Variants in CADM2 observed in about 807,000 individuals in gnomAD.
The protein encoded by CADM2 is immunoglobulin superfamily member 4D.
A neutral mutation model predicts 49.8 loss-of-function variants in CADM2; 12 were observed. The ratio of observed to expected loss-of-function variants is 0.24; its 90% CI spans 0.15 to 0.39. CADM2 has a LOEUF of 0.39. Ranked by LOEUF, CADM2 falls within the 10% of genes least tolerant of loss-of-function variation. The pLI is 1.00. For missense variants in CADM2, 378 were observed against 492.3 expected, an observed-to-expected ratio of 0.77 and a Z score of 2.20; for synonymous variants, 214 against 175.4, an observed-to-expected ratio of 1.22 and a Z score of -1.74.
chr3:86,058,569 A>T (rs1738261032), intron 8 of CADM2, among the ~76,000 whole-genome samples: 1 of 152,132 alleles, frequency 6.6e-6, no homozygotes, highest in Non-Finnish European at 1.5e-5. Flanking sequence ...AGTGTCTTCC[A>T]CTTGAAAAAT....
intron 1 of CADM2, among the ~76,000 whole-genome samples, chr3:85,022,291 A>T (rs1406312922): frequency 6.6e-6 from 1 of 152,146 alleles, no homozygotes; most frequent in African/African-American, 2.4e-5. Context: ...AGATTGTTTG[A>T]GTTTATGCTT....
At chr3:85,258,061 A>G (rs1036552629) in intron 1 of CADM2, among the ~76,000 whole-genome samples, 2 of 152,124 alleles carry the variant, frequency 1.3e-5, no homozygotes, top group Non-Finnish European at 2.9e-5. Context: ...AAAGGTAGAG[A>G]AGGGAAGATT....
At chr3:85,335,067 T>G (rs2107168078) in intron 1 of CADM2, among the ~76,000 whole-genome samples, 1 of 151,524 alleles carries the variant, frequency 6.6e-6, no homozygotes, top group South Asian at 2.1e-4. Context: ...AAAAAGATAC[T>G]AAGTAAATAA....
chr3:85,032,656 T>G (rs764381234), intron 1 of CADM2, among the ~76,000 whole-genome samples: 1 of 152,188 alleles, frequency 6.6e-6, no homozygotes, highest in Admixed American at 6.5e-5. Context: ...GTCTGCATTC[T>G]TATATTAAGA....
chr3:85,335,371 A>G (rs1470279883), intron 1 of CADM2, among the ~76,000 whole-genome samples: 1 of 151,534 alleles, frequency 6.6e-6, no homozygotes, highest in Non-Finnish European at 1.5e-5. Flanking sequence ...CTTCCTTGAT[A>G]CTAACCAGAC....
chr3:86,036,692 C>A (rs947663070), intron 8 of CADM2, among the ~76,000 whole-genome samples: 2 of 152,102 alleles, frequency 1.3e-5, no homozygotes, highest in African/African-American at 4.8e-5. Flanking sequence ...CTCAGCCTCC[C>A]AGTGCCTCTG....
intron 1 of CADM2, among the ~76,000 whole-genome samples, chr3:85,325,401 A>G (rs1332982275): frequency 6.6e-6 from 1 of 152,088 alleles, no homozygotes; most frequent in Non-Finnish European, 1.5e-5. Context: ...TTTGAATATC[A>G]GTTAATTACT....
chr3:85,621,122 C>T (rs564879919), intron 1 of CADM2, among the ~76,000 whole-genome samples: 1 of 152,018 alleles, frequency 6.6e-6, no homozygotes, highest in African/African-American at 2.4e-5. Context: ...AGAAAATGAC[C>T]TCTGTTCTAA....
At chr3:85,847,989 T>C (rs2074950532) in intron 3 of CADM2, among the ~76,000 whole-genome samples, 1 of 152,170 alleles carries the variant, frequency 6.6e-6, no homozygotes, top group African/African-American at 2.4e-5. Context: ...AACTGCCACC[T>C]TGTTTAATTT....
intron 2 of CADM2, among the ~76,000 whole-genome samples, chr3:85,754,872 A>G (rs773435565): frequency 2.6e-5 from 4 of 152,206 alleles, no homozygotes; most frequent in Non-Finnish European, 5.9e-5. Context: ...TTTTAAAAGC[A>G]GCGTGCAACT....
intron 1 of CADM2, among the ~76,000 whole-genome samples, chr3:85,525,933 C>G (rs2061150206): frequency 6.6e-6 from 1 of 152,128 alleles, no homozygotes. Flanking sequence ...ACTTCTCCTT[C>G]TCTCCTAGTA....
At chr3:85,122,590 C>T (rs137897504) in intron 1 of CADM2, among the ~76,000 whole-genome samples, 203 of 152,052 alleles carry the variant, frequency 1.3e-3, no homozygotes, top group African/African-American at 4.3e-3. Context: ...TGGTGATTCC[C>T]GAATCTCCAT....
At chr3:85,583,609 A>G (rs996902963) in intron 1 of CADM2, among the ~76,000 whole-genome samples, 5 of 152,130 alleles carry the variant, frequency 3.3e-5, no homozygotes, top group Non-Finnish European at 7.4e-5. Context: ...ATTATAGAAG[A>G]TGTTTATTTT....
At chr3:85,009,932 G>T (rs1306276976) in intron 1 of CADM2, among the ~76,000 whole-genome samples, 1 of 150,952 alleles carries the variant, frequency 6.6e-6, no homozygotes, top group East Asian at 1.9e-4. Flanking sequence ...AATAAAATTT[G>T]TTGTAAGCTA....
intron 1 of CADM2, among the ~76,000 whole-genome samples, chr3:85,172,202 G>T (rs1490375293): frequency 6.6e-6 from 1 of 152,112 alleles, no homozygotes; most frequent in Non-Finnish European, 1.5e-5. Flanking sequence ...TCATGGGTGA[G>T]CCCCAGTTTC....
At chr3:85,931,744 A>G (rs1328757283) in intron 6 of CADM2, among the ~76,000 whole-genome samples, 1 of 152,108 alleles carries the variant, frequency 6.6e-6, no homozygotes, top group Non-Finnish European at 1.5e-5. Context: ...GCAAAATGAA[A>G]CACATTTATT....
intron 1 of CADM2, among the ~76,000 whole-genome samples, chr3:85,195,462 C>A (rs940725470): frequency 2.0e-5 from 3 of 151,824 alleles, no homozygotes; most frequent in Non-Finnish European, 4.4e-5. Flanking sequence ...GCTATGACCT[C>A]ACCTGTGAGA....
chr3:85,872,668 A>C (rs1435549696), intron 3 of CADM2, among the ~76,000 whole-genome samples: 3 of 149,762 alleles, frequency 2.0e-5, no homozygotes, highest in African/African-American at 7.3e-5. Flanking sequence ...TACAATGTAT[A>C]CATATTATTG....
At chr3:85,532,339 C>T (rs184020237) in intron 1 of CADM2, among the ~76,000 whole-genome samples, 61 of 152,286 alleles carry the variant, frequency 4.0e-4, no homozygotes, top group African/African-American at 1.4e-3. Context: ...AAAGCACTAT[C>T]TCCTTAAGCA....
Sources: gnomAD v4.1 joint callset for allele counts (sites outside exome capture counted in the v4.1 genomes callset) on GRCh38, gnomAD v4.1.1 for gene constraint, MANE v1.5 for transcripts, NCBI Gene and HGNC (gene_info 2026-07-23, HGNC 2026-07-21) for gene names.